The following TRIM44 variants were observed in gnomAD, a reference collection of about 807,000 sequenced individuals.
TRIM44 encodes the protein tripartite motif containing 44, also known as tripartite motif-containing protein 44.
TRIM44 carries 13 observed loss-of-function variants against 37.4 expected under a neutral mutation model. The observed-to-expected ratio is 0.35, with a 90% CI of 0.23 to 0.55. The LOEUF (loss-of-function observed/expected upper bound fraction) is 0.55, where lower values mean the gene tolerates loss of function less well. Ranked by LOEUF, TRIM44 falls within the 20% of genes least tolerant of loss-of-function variation. The pLI, the probability that TRIM44 is intolerant of heterozygous loss-of-function variation, is 0.89. For synonymous variants in TRIM44, 175 were observed against 157.2 expected, an observed-to-expected ratio of 1.11 and a Z score of -0.85; for missense variants, 426 against 437.2, an observed-to-expected ratio of 0.97 and a Z score of 0.23.
chr11:35,729,549 T>G (rs1852227007), intron 3 of TRIM44, among the ~76,000 whole-genome samples: 1 of 152,172 alleles, frequency 6.6e-6, no homozygotes, highest in South Asian at 2.1e-4. Flanking sequence ...CTTCCCCAGC[T>G]GAGTCAGTTA....
At chr11:35,705,566 C>G (rs559053538) in intron 2 of TRIM44, among the ~76,000 whole-genome samples, 2 of 152,192 alleles carry the variant, frequency 1.3e-5, no homozygotes, top group East Asian at 1.9e-4. Flanking sequence ...AACTGTCTCT[C>G]AGACCACAGT....
At chr11:35,779,737 T>A (rs1233234214) in intron 4 of TRIM44, among the ~76,000 whole-genome samples, 1 of 152,122 alleles carries the variant, frequency 6.6e-6, no homozygotes, top group Non-Finnish European at 1.5e-5. Context: ...GAGTTTGGGG[T>A]CTTGTGTTTA....
chr11:35,737,424 A>G (rs756807987), intron 4 of TRIM44, among the ~76,000 whole-genome samples: 2 of 151,988 alleles, frequency 1.3e-5, no homozygotes, highest in African/African-American at 4.8e-5. Flanking sequence ...ATGCGCACCT[A>G]TAATTCCAGC....
chr11:35,688,025 T>C (rs1158283406), intron 2 of TRIM44, among the ~76,000 whole-genome samples: 2 of 152,222 alleles, frequency 1.3e-5, no homozygotes, highest in Non-Finnish European at 2.9e-5. Flanking sequence ...ATATATAATT[T>C]CTGCACAAAG....
At chr11:35,795,022 A>G (rs1364713765) in intron 4 of TRIM44, among the ~76,000 whole-genome samples, 2 of 152,208 alleles carry the variant, frequency 1.3e-5, no homozygotes, top group Admixed American at 6.5e-5. Flanking sequence ...ATGATATTGG[A>G]GCTGAGACCT....
rs918843221 is a variant in TRIM44 at position 35,817,037 on chromosome 11, G to C, written c.*10652G>C. 1 of 152,126 alleles carries C rather than the reference G, an allele frequency of 6.6e-6. No individual in the cohort carries two copies. Among genetic ancestry groups the C allele is most frequent in the African/African-American group, 2.4e-5 (1 of 41,426 alleles). The allele number at this position is 152,126 out of a possible 1,614,324, so 9.4% of individuals were successfully genotyped here. ...TTACTTGTTCATAAGGTTGATGTCT[G>C]TAACTCTTTGAAGGTTGTATTAGTC... On this transcript the variant is annotated 3_prime_UTR_variant, in exon 5 of 5. Coordinates refer to ENST00000299413, the MANE Select transcript of TRIM44 (RefSeq NM_017583.6).
chr11:35,799,684 G>C (rs1361920626), intron 4 of TRIM44, among the ~76,000 whole-genome samples: 1 of 152,138 alleles, frequency 6.6e-6, no homozygotes, highest in Non-Finnish European at 1.5e-5. Flanking sequence ...AGGTCTTGCA[G>C]CCTCTCTGGG....
intron 4 of TRIM44, among the ~76,000 whole-genome samples, chr11:35,771,158 C>G (rs1391073041): frequency 6.6e-6 from 1 of 152,102 alleles, no homozygotes; most frequent in Admixed American, 6.5e-5. Flanking sequence ...TTTGGAACTT[C>G]CTAGAGAGTT....
At chr11:35,793,548 G>A (rs1427611621) in intron 4 of TRIM44, among the ~76,000 whole-genome samples, 2 of 151,984 alleles carry the variant, frequency 1.3e-5, no homozygotes, top group African/African-American at 4.8e-5. Flanking sequence ...TAAACTAAGA[G>A]ACTATTGGGA....
At chr11:35,674,235 C>CGTGTGTGTGTGTGTGTGTGT (rs113167193) in intron 1 of TRIM44, among the ~76,000 whole-genome samples, 88 of 149,990 alleles carry the variant, frequency 5.9e-4, no homozygotes, top group African/African-American at 2.0e-3. Context: ...AGAGAATTTG[C>CGTGTGTGTGTGTGTGTGTGT]GTGTGTGTGT....
chr11:35,735,507 T>C, intron 4 of TRIM44, 62 bp downstream of exon 4: 1 of 1,534,454 alleles, frequency 6.5e-7, no homozygotes, highest in East Asian at 2.3e-5. Context: ...TTGTGGCCTT[T>C]TAGTGCTCCA....
At chr11:35,731,645 C>T (rs976258337) in intron 3 of TRIM44, among the ~76,000 whole-genome samples, 14 of 151,980 alleles carry the variant, frequency 9.2e-5, no homozygotes, top group African/African-American at 2.9e-4. Flanking sequence ...AATTTACTTA[C>T]ATCATTTTAT....
chr11:35,746,752 A>T (rs571594680), intron 4 of TRIM44, among the ~76,000 whole-genome samples: 18 of 152,266 alleles, frequency 1.2e-4, no homozygotes, highest in African/African-American at 4.3e-4. Context: ...ATGTGCCTAT[A>T]CTTGTTTGGA....
At chr11:35,667,006 G>A (rs1378232691) in intron 1 of TRIM44, among the ~76,000 whole-genome samples, 4 of 152,044 alleles carry the variant, frequency 2.6e-5, no homozygotes, top group East Asian at 3.8e-4. Context: ...ATAGCACCCC[G>A]AGTATTATGT....
At chr11:35,765,692 C>G (rs1236701526) in intron 4 of TRIM44, among the ~76,000 whole-genome samples, 1 of 152,184 alleles carries the variant, frequency 6.6e-6, no homozygotes, top group African/African-American at 2.4e-5. Flanking sequence ...AAGAAGTAAA[C>G]TTGGCATATT....
At chr11:35,769,193 G>A (rs1313835425) in intron 4 of TRIM44, among the ~76,000 whole-genome samples, 1 of 152,152 alleles carries the variant, frequency 6.6e-6, no homozygotes, top group East Asian at 1.9e-4. Context: ...TGATTCCTGG[G>A]CTAGCTCAGA....
chr11:35,711,789 G>A (rs976619472), intron 2 of TRIM44, among the ~76,000 whole-genome samples: 3 of 152,094 alleles, frequency 2.0e-5, no homozygotes, highest in African/African-American at 7.2e-5. Flanking sequence ...CCTATAAATT[G>A]TGGCTGCTGT....
At chr11:35,684,498 C>T (rs1312412164) in intron 1 of TRIM44, among the ~76,000 whole-genome samples, 1 of 152,188 alleles carries the variant, frequency 6.6e-6, no homozygotes, top group East Asian at 1.9e-4. Context: ...GTGCCACATA[C>T]TGTGCTAATA....
intron 4 of TRIM44, 86 bp from the exon 5 acceptor site, chr11:35,806,272 A>C: frequency 6.8e-6 from 10 of 1,460,972 alleles, no homozygotes; most frequent in Non-Finnish European, 9.6e-6. Context: ...TATGTCTGAC[A>C]TAAAGTCTGT....
Sources: gnomAD v4.1 joint callset for allele counts (sites outside exome capture counted in the v4.1 genomes callset) on GRCh38, gnomAD v4.1.1 for gene constraint, MANE v1.5 for transcripts, NCBI Gene and HGNC (gene_info 2026-07-23, HGNC 2026-07-21) for gene names.